Variants in PDCD6 observed in about 807,000 individuals in gnomAD.
PDCD6 encodes the protein programmed cell death protein 6.
PDCD6 carries 12 observed loss-of-function variants against 28.3 expected under a neutral mutation model. The ratio of observed to expected loss-of-function variants is 0.42; its 90% CI spans 0.27 to 0.69. The LOEUF is 0.69. PDCD6 is among the 30% of genes least tolerant of loss of function. PDCD6 has a pLI of 0.22. For synonymous variants in PDCD6, 92 were observed against 108.0 expected (o/e 0.85, Z 0.92); for missense variants, 226 against 269.9 (o/e 0.84, Z 1.14).
At chr5:278,472 G>A (rs1305983260) in intron 2 of PDCD6, among the ~76,000 whole-genome samples, 2 of 151,636 alleles carry the variant, frequency 1.3e-5, no homozygotes, top group African/African-American at 2.4e-5. Flanking sequence ...CACTTTGGGA[G>A]GCTGAGGTGG....
chr5:312,032 C>G (rs945886412), intron 5 of PDCD6: 1 of 153,780 alleles, frequency 6.5e-6, no homozygotes, highest in African/African-American at 2.4e-5. Flanking sequence ...AAAATGGGCA[C>G]GTTTTCTGTT....
chr5:288,632 G>GT (rs1739131645), intron 2 of PDCD6, among the ~76,000 whole-genome samples: 1 of 151,880 alleles, frequency 6.6e-6, no homozygotes. Flanking sequence ...AAGATCAGCG[G>GT]TAAGGTAAAC....
intron 4 of PDCD6, chr5:308,761 G>C (rs1225018481): frequency 2.0e-5 from 3 of 152,236 alleles, no homozygotes; most frequent in African/African-American, 7.2e-5. Context: ...TCACCAGGGT[G>C]GTGAAGCCTG....
At chr5:277,299 G>GTTT (rs1395797530) in intron 2 of PDCD6, among the ~76,000 whole-genome samples, 4 of 99,820 alleles carry the variant, frequency 4.0e-5, no homozygotes, top group African/African-American at 1.1e-4. Flanking sequence ...CTAATTTTTT[G>GTTT]TATTTTTTTT....
intron 4 of PDCD6, chr5:308,933 C>CCCGGCA (rs1321262320): frequency 6.5e-6 from 1 of 154,176 alleles, no homozygotes; most frequent in African/African-American, 2.4e-5. Context: ...GCACTCACCA[C>CCCGGCA]CCGGCACCGG....
chr5:300,766 C>G (rs1315759466), intron 2 of PDCD6, among the ~76,000 whole-genome samples: 2 of 152,212 alleles, frequency 1.3e-5, no homozygotes, highest in Non-Finnish European at 2.9e-5. Context: ...GTGGAGACAT[C>G]AGGAGTGTCC....
intron 2 of PDCD6, among the ~76,000 whole-genome samples, chr5:278,923 C>G (rs1738386816): frequency 1.3e-5 from 2 of 151,658 alleles, no homozygotes; most frequent in South Asian, 4.2e-4. Flanking sequence ...CCTGAGTTCC[C>G]ACAGTTCTCT....
intron 2 of PDCD6, among the ~76,000 whole-genome samples, chr5:295,113 A>G (rs574404078): frequency 2.1e-3 from 324 of 152,316 alleles, no homozygotes; most frequent in African/African-American, 7.2e-3. Flanking sequence ...AGCAAACACT[A>G]GCTTCAGTAC....
At chr5:297,426 G>T (rs1739690706) in intron 2 of PDCD6, among the ~76,000 whole-genome samples, 1 of 152,254 alleles carries the variant, frequency 6.6e-6, no homozygotes, top group South Asian at 2.1e-4. Flanking sequence ...GTAGGCGATA[G>T]ATTTGTATAC....
Position 286,479 on chromosome 5 carries a change from T to G in PDCD6, c.163+13707T>G, listed in dbSNP as rs1247020886. Among the ~76,000 whole-genome samples, 3 of 151,534 alleles carry G rather than the reference T, an allele frequency of 2.0e-5. No homozygotes were observed. In the South Asian group the frequency reaches 6.2e-4, roughly 32 times the overall value. ...AGCTGGAGACCTGGGGAGGAGCTGATGTTCTTGTTTGAGGGCCTTCCAGCC... is the reference window on the plus strand; with the variant it reads ...AGCTGGAGACCTGGGGAGGAGCTGAGGTTCTTGTTTGAGGGCCTTCCAGCC... On this transcript the variant is annotated intron_variant, in intron 2 of 5. Coordinates refer to ENST00000264933, the MANE Select transcript of PDCD6 (RefSeq NM_013232.4).
intron 5 of PDCD6, chr5:313,721 G>A (rs1409650400): frequency 6.6e-6 from 1 of 151,814 alleles, no homozygotes; most frequent in East Asian, 1.9e-4. Flanking sequence ...CATCACCCAG[G>A]CCAGAGTGTG....
intron 2 of PDCD6, among the ~76,000 whole-genome samples, chr5:280,592 G>A (rs572523391): frequency 1.7e-4 from 23 of 134,310 alleles, no homozygotes; most frequent in African/African-American, 6.5e-4. Flanking sequence ...GCTGGGCCAG[G>A]CACCAGAGTG....
chr5:290,296 G>A lies in PDCD6; in HGVS notation c.164-13881G>A, dbSNP rs529354748. ...TCCCCTCTTCTCAAAATCTTTCAGC[G>A]CCTCCTGGAGACTCTCAACGTCCAT... On this transcript the variant is annotated intron_variant, in intron 2 of 5. Transcript: ENST00000264933. 5.2e-5 allele frequency: 72 copies of A among 1,371,458 alleles called. No homozygotes were observed. In the East Asian group the frequency reaches 6.2e-4, roughly 12 times the overall value. 85.0% of individuals were successfully genotyped at this position (1,371,458 alleles called of 1,614,324 possible). A position where few individuals can be genotyped will look rare whatever the true frequency, so the allele number is the denominator to read the frequency against.
chr5:313,792 G>A (rs1319485722), intron 5 of PDCD6: 6 of 154,948 alleles, frequency 3.9e-5, no homozygotes, highest in Middle Eastern at 5.6e-4. Flanking sequence ...CTCACGCCTC[G>A]GACCCCCAAA....
intron 2 of PDCD6, among the ~76,000 whole-genome samples, chr5:287,660 C>T (rs1053985739): frequency 3.3e-5 from 5 of 152,108 alleles, no homozygotes; most frequent in African/African-American, 9.7e-5. Flanking sequence ...CCATGCAAAG[C>T]TATAAAAAGT....
At chr5:277,870 G>A (rs1738297666) in intron 2 of PDCD6, among the ~76,000 whole-genome samples, 2 of 146,778 alleles carry the variant, frequency 1.4e-5, no homozygotes, top group Admixed American at 6.8e-5. Flanking sequence ...AGCTGAGATA[G>A]CGCCACTGCA....
Position 271,735 on chromosome 5 carries a change from T to C in PDCD6, c.15T>C (p.Ser5=). 6.5e-7 allele frequency: 1 copy of C among 1,536,554 alleles called. No individual in the cohort carries two copies. The highest frequency in any genetic ancestry group is 8.7e-7 in the Non-Finnish European group (1 of 1,146,730). The change falls in exon 1 of 6, where the codon TCT becomes TCC. Residue 5 remains serine (S), a synonymous_variant. Coordinates refer to ENST00000264933, the MANE Select transcript of PDCD6 (RefSeq NM_013232.4). ...TGCCTTGGCCCATGGCCGCCTACTC[T>C]TACCGCCCCGGCCCTGGGGCCGGCC... The part of the protein sequence containing the change: MAAY[S]YRPGPGAGPG...
In PDCD6 at chr5:307,625, T is replaced by G. The variant is rs1387462544; in HGVS notation, c.367+865T>G. On this transcript the variant is annotated intron_variant, in intron 4 of 5. Transcript: ENST00000264933. This position sits in a 1 kb window ranked among gnomAD's most constrained non-coding sequence, Gnocchi z 6.1. ...CATGTTTGGGGCCAGCCTGAGGCTG[T>G]TGGTGGCTGCACCGAGATTCTAATC... Among the ~76,000 whole-genome samples the G allele has an allele frequency of 6.6e-6, 1 of 152,098 alleles. No individual in the cohort carries two copies. The highest frequency in any genetic ancestry group is 1.5e-5 in the Non-Finnish European group (1 of 67,996).
Position 306,738 on chromosome 5 carries a change from G to A in PDCD6, c.345G>A (p.Leu115=), listed in dbSNP as rs986554084. Residue 115 remains leucine, a synonymous_variant, in exon 4 of 6, where the codon CTG becomes CTA. Coordinates refer to ENST00000264933, the MANE Select transcript of PDCD6 (RefSeq NM_013232.4). ...DNSGMIDKNE[L]KQALSGFGYR... is the part of the protein sequence containing the mutation. ...CCGGGATGATCGATAAGAACGAGCT[G>A]AAGCAGGCCCTCTCAGGTTTCGGTA... The A allele has an allele frequency of 6.2e-7, 1 of 1,613,954 alleles. No homozygotes were observed. Among genetic ancestry groups the A allele is most frequent in the Non-Finnish European group, 8.5e-7 (1 of 1,179,970 alleles).
Sources: allele counts gnomAD v4.1 joint callset (sites outside exome capture counted in the v4.1 genomes callset), GRCh38; gene constraint gnomAD v4.1.1; non-coding constraint Gnocchi (gnomAD v3.1); transcripts MANE v1.5; gene names NCBI Gene and HGNC (gene_info 2026-07-23, HGNC 2026-07-21).